The following TASP1 variants were observed in gnomAD, a reference collection of about 807,000 sequenced individuals.
TASP1 encodes taspase 1, also known as threonine aspartase 1.
A neutral mutation model predicts 56.6 loss-of-function variants in TASP1; 16 were observed. That is an observed-to-expected ratio of 0.28 (90% CI 0.19 to 0.43). TASP1 has a LOEUF of 0.43. TASP1 is among the 20% of genes least tolerant of loss of function. The probability of loss-of-function intolerance (pLI) is 1.00; values close to 1 mark genes in which losing one functional copy is unlikely to be tolerated. For synonymous variants in TASP1, 179 were observed against 184.2 expected (o/e 0.97, Z 0.23); for missense variants, 393 against 511.6 (o/e 0.77, Z 2.24).
chr20:13,534,096 C>A lies in TASP1; in HGVS notation c.721G>T (p.Asp241Tyr). 1 of 1,613,672 alleles carries A rather than the reference C, an allele frequency of 6.2e-7. No homozygotes were observed. The highest frequency in any genetic ancestry group is 1.1e-5 in the South Asian group (1 of 91,060). ...TLDTVGAVVV[D>Y]HEGNVAAAVS... is the part of the protein sequence containing the mutation. ...GCAGCAGCAACATTCCCTTCGTGGTCCACAACCACAGCGCCTACCGTGTCC... is the reference window on the plus strand; with the variant it reads ...GCAGCAGCAACATTCCCTTCGTGGTACACAACCACAGCGCCTACCGTGTCC... Residue 241 changes from aspartate to tyrosine, a missense_variant, in exon 9 of 14, where the codon GAC becomes TAC. By Grantham distance (160) the Asp-to-Tyr change is radical. Coordinates refer to ENST00000337743, the MANE Select transcript of TASP1 (RefSeq NM_017714.3).
the TASP1 span, among the ~76,000 whole-genome samples, chr20:13,312,350 T>C: frequency 6.6e-6 from 1 of 152,178 alleles, no homozygotes; most frequent in African/African-American, 2.4e-5. Flanking sequence ...TATGGAAATG[T>C]CGTGGGTGAG....
the TASP1 span, among the ~76,000 whole-genome samples, chr20:13,185,293 T>G: frequency 6.6e-6 from 1 of 152,112 alleles, no homozygotes; most frequent in African/African-American, 2.4e-5. Context: ...CACTTCACAA[T>G]GATCACTAAA....
chr20:13,403,881 C>T (rs555660963), intron 13 of TASP1, among the ~76,000 whole-genome samples: 3 of 151,924 alleles, frequency 2.0e-5, no homozygotes, highest in East Asian at 3.9e-4. Flanking sequence ...GAGCCTATCT[C>T]GTAAAAAACA....
the TASP1 span, among the ~76,000 whole-genome samples, chr20:13,371,654 A>G: frequency 3.3e-5 from 5 of 152,110 alleles, no homozygotes; most frequent in Non-Finnish European, 7.4e-5. Flanking sequence ...ATTGATGTCT[A>G]TTAGGTCTGC....
chr20:13,481,706 A>C (rs1162111110), intron 11 of TASP1, among the ~76,000 whole-genome samples: 1 of 151,974 alleles, frequency 6.6e-6, no homozygotes, highest in Non-Finnish European at 1.5e-5. Context: ...GCCTGTTTGC[A>C]ATTTTTATGT....
intron 10 of TASP1, among the ~76,000 whole-genome samples, chr20:13,518,708 C>T (rs745849411): frequency 3.9e-5 from 6 of 152,134 alleles, no homozygotes; most frequent in South Asian, 2.1e-4. Context: ...CACACATCAA[C>T]GAACAAAGCT....
chr20:13,312,614 C>T, the TASP1 span, among the ~76,000 whole-genome samples: 1 of 152,314 alleles, frequency 6.6e-6, no homozygotes, highest in South Asian at 2.1e-4. Context: ...ACCTTCCACT[C>T]TCTCCTGCTC....
At chr20:13,207,592 G>A in the TASP1 span, among the ~76,000 whole-genome samples, 5 of 152,200 alleles carry the variant, frequency 3.3e-5, no homozygotes, top group East Asian at 1.9e-4. Context: ...GATGGTGTAC[G>A]TCCCAGTTAA....
At chr20:13,492,162 ACACGTCTC>A (rs2043555841) in intron 10 of TASP1, among the ~76,000 whole-genome samples, 2 of 152,162 alleles carry the variant, frequency 1.3e-5, no homozygotes. Context: ...CTGGCACACC[ACACGTCTC>A]CAAGGATTAC....
intron 10 of TASP1, among the ~76,000 whole-genome samples, chr20:13,519,633 G>A (rs1338796608): frequency 6.6e-6 from 1 of 152,056 alleles, no homozygotes; most frequent in African/African-American, 2.4e-5. Context: ...AAAATAATAA[G>A]AGCTATCTAT....
At chr20:13,588,275 AAG>A (rs879399201) in intron 4 of TASP1, among the ~76,000 whole-genome samples, 5,343 of 122,214 alleles carry the variant, frequency 0.044, 249 homozygotes, top group African/African-American at 0.1. Context: ...GGAAGGAAGG[AAG>A]GAAGGAAGGA....
chr20:13,423,064 T>C (rs192554957), intron 12 of TASP1, among the ~76,000 whole-genome samples: 37 of 152,360 alleles, frequency 2.4e-4, no homozygotes, highest in African/African-American at 8.7e-4. Flanking sequence ...ATAACATATT[T>C]ATAAGAATCT....
chr20:13,479,250 G>C (rs1480920293), intron 11 of TASP1, among the ~76,000 whole-genome samples: 3 of 151,990 alleles, frequency 2.0e-5, no homozygotes, highest in Non-Finnish European at 2.9e-5. Flanking sequence ...AGAATCACTA[G>C]ATATTTTATA....
intron 8 of TASP1, among the ~76,000 whole-genome samples, chr20:13,538,593 G>A (rs1220947992): frequency 6.6e-6 from 1 of 152,096 alleles, no homozygotes; most frequent in African/African-American, 2.4e-5. Flanking sequence ...GTACAATAAT[G>A]CCATCATAAA....
At chr20:13,498,330 TTTGTGTGTGTGTGTGTGTG>T (rs1450460691) in intron 10 of TASP1, among the ~76,000 whole-genome samples, 1 of 129,400 alleles carries the variant, frequency 7.7e-6, no homozygotes, top group Non-Finnish European at 1.6e-5. Flanking sequence ...TTTCTTTTCT[TTTGTGTGTGTGTGTGTGTG>T]TGTGTGTGTG....
At chr20:13,149,942 A>T in the TASP1 span, among the ~76,000 whole-genome samples, 9 of 152,202 alleles carry the variant, frequency 5.9e-5, no homozygotes, top group Non-Finnish European at 1.2e-4. Context: ...AAATCCTCCT[A>T]GTCTTCAAGG....
the TASP1 span, among the ~76,000 whole-genome samples, chr20:13,268,831 C>A: frequency 6.4e-4 from 98 of 152,294 alleles, 2 homozygotes; most frequent in East Asian, 0.019. Flanking sequence ...GGGAGGATTA[C>A]TTGAGCCCAG....
rs555747320 is a variant in TASP1 at position 13,594,581 on chromosome 20, A to G, written c.283-7211T>C. On this transcript the variant is annotated intron_variant, in intron 4 of 13. Coordinates refer to ENST00000337743, the MANE Select transcript of TASP1 (RefSeq NM_017714.3). ...GGCATGAGAACTTTGTGACACACGC[A>G]CAATCTTCAATAGCTGATTCAATCA... is the stretch of plus-strand genomic sequence containing the variant. 2.0e-5 allele frequency among the ~76,000 whole-genome samples: 3 copies of G among 152,378 alleles called. No individual in the cohort carries two copies. The South Asian group carries it at 6.2e-4, about 32-fold the overall frequency.
At chr20:13,414,383 G>A (rs2042184621) in intron 13 of TASP1, among the ~76,000 whole-genome samples, 1 of 152,106 alleles carries the variant, frequency 6.6e-6, no homozygotes, top group Non-Finnish European at 1.5e-5. Flanking sequence ...TGATCACATG[G>A]TCAAGGTGTT....
Sources: gnomAD v4.1 joint callset for allele counts (sites outside exome capture counted in the v4.1 genomes callset) on GRCh38, gnomAD v4.1.1 for gene constraint, MANE v1.5 for transcripts, NCBI Gene and HGNC (gene_info 2026-07-23, HGNC 2026-07-21) for gene names.